Variants in ZNF559 observed in about 807,000 individuals in gnomAD.
ZNF559 encodes the protein zinc finger protein 559.
In ZNF559, 17 loss-of-function variants were observed where a neutral mutation model predicts 14.2. The observed-to-expected ratio is 1.20, with a 90% CI of 0.82 to 1.80. The LOEUF (loss-of-function observed/expected upper bound fraction) is 1.80. Among genes scored for constraint, ZNF559 ranks in the 40% most tolerant of loss-of-function variants. ZNF559 has a pLI of 0.00. For missense variants in ZNF559, 740 were observed against 629.7 expected (o/e 1.18, Z -1.88); for synonymous variants, 244 against 212.4 (o/e 1.15, Z -1.29).
At chr19:9,325,931 C>T (rs930613531) in intron 2 of ZNF559, among the ~76,000 whole-genome samples, 2 of 151,920 alleles carry the variant, frequency 1.3e-5, no homozygotes, top group Admixed American at 6.6e-5. Context: ...ATCTCAAATA[C>T]CTCCTGAAAG....
chr19:9,334,663 CTT>C (rs1384677285), intron 2 of ZNF559, among the ~76,000 whole-genome samples: 3 of 152,244 alleles, frequency 2.0e-5, no homozygotes, highest in Admixed American at 1.3e-4. Flanking sequence ...TAATTCTACT[CTT>C]TTGTGAATAT....
Position 9,324,225 on chromosome 19 carries a change from T to G in ZNF559, c.-209T>G. On this transcript the variant is annotated 5_prime_UTR_variant, in exon 1 of 7. Coordinates refer to ENST00000603380, the MANE Select transcript of ZNF559 (RefSeq NM_032497.3). ...TTAACAGCGCGTTCCCGTTGGCGTC[T>G]GAGGTAAGTTTTTGTTTCTGGGCGG... 1 of 1,536,054 alleles carries G rather than the reference T, an allele frequency of 6.5e-7. No homozygotes were observed.
chr19:9,330,647 T>C (rs1282497775), intron 2 of ZNF559, among the ~76,000 whole-genome samples: 1 of 152,226 alleles, frequency 6.6e-6, no homozygotes. Context: ...ATTTCTCTTT[T>C]GTTCTTTATC....
In ZNF559 at chr19:9,342,210, G is replaced by A. The variant is rs745909470; in HGVS notation, c.759G>A (p.Ser253=). 84 of 1,595,354 alleles carry A rather than the reference G, an allele frequency of 5.3e-5. No individual in the cohort carries two copies. Among genetic ancestry groups the A allele is most frequent in the Admixed American group, 7.2e-5 (4 of 55,266 alleles). Residue 253 remains serine, a synonymous_variant, in exon 7 of 7, where the codon TCG becomes TCA. Transcript: ENST00000603380. The part of the protein sequence containing the change: ...CKACGKPFTE[S]SYLTQHLRTH... ...CATGTGGGAAACCCTTCACTGAGTCGTCATATCTTACTCAACATTTAAGAA... is the reference window on the plus strand; with the variant it reads ...CATGTGGGAAACCCTTCACTGAGTCATCATATCTTACTCAACATTTAAGAA...
At chr19:9,331,746 C>T (rs916715179) in intron 2 of ZNF559, among the ~76,000 whole-genome samples, 89 of 152,244 alleles carry the variant, frequency 5.8e-4, no homozygotes, top group African/African-American at 2.1e-3. Context: ...GATTTCTCTT[C>T]AAGGTATTTT....
At chr19:9,340,864 C>T (rs901435099) in intron 5 of ZNF559, among the ~76,000 whole-genome samples, 1 of 151,874 alleles carries the variant, frequency 6.6e-6, no homozygotes. Context: ...AGCCACCACA[C>T]CCAGCCTAGA....
intron 4 of ZNF559, 135 bp from the exon 5 acceptor site, chr19:9,339,058 G>GA: frequency 8.3e-7 from 1 of 1,201,388 alleles, no homozygotes; most frequent in Non-Finnish European, 1.2e-6. Flanking sequence ...AGACAGGGGA[G>GA]AAGAAAGTGA....
chr19:9,338,471 AG>A (rs761447353), intron 3 of ZNF559, 22 bp from the exon 4 acceptor site: 26 of 1,588,126 alleles, frequency 1.6e-5, no homozygotes, highest in Non-Finnish European at 2.2e-5. Context: ...CTGGATTCTC[AG>A]ATTTTATTTC....
chr19:9,341,525 T>G, intron 6 of ZNF559, 170 bp from the exon 7 acceptor site: 1 of 1,246,122 alleles, frequency 8.0e-7, no homozygotes, highest in African/African-American at 1.5e-5. Context: ...TTTGTTCCAC[T>G]TGAAAACACT....
chr19:9,324,644 GAAA>G (rs56005842), intron 1 of ZNF559, 48 bp from the exon 2 acceptor site: 1,339 of 1,046,700 alleles, frequency 1.3e-3, no homozygotes, highest in Middle Eastern at 2.7e-3. Flanking sequence ...ATCTCTAATG[GAAA>G]AAAAAAAAAA....
chr19:9,342,339 C>T lies in ZNF559; in HGVS notation c.888C>T (p.His296=). The change falls in exon 7 of 7, where the codon CAC becomes CAT. Residue 296 remains histidine (H), a synonymous_variant. Transcript: ENST00000603380. ...TAAGACTTAGAACTAGAGGAAAACA[C>T]TATGTTTGTAATGAATGTGGCAAAG... ...KHIRLRTRGK[H]YVCNECGKEF... is the part of the protein sequence containing the mutation. 5.6e-6 allele frequency: 9 copies of T among 1,605,630 alleles called. No homozygotes were observed. Among genetic ancestry groups the T allele is most frequent in the Non-Finnish European group, 7.6e-6 (9 of 1,176,484 alleles).
chr19:9,326,101 C>T (rs1256542497), intron 2 of ZNF559, among the ~76,000 whole-genome samples: 1 of 141,268 alleles, frequency 7.1e-6, no homozygotes, highest in African/African-American at 2.6e-5. Context: ...AGACTATTCA[C>T]CTGATTTTTT....
chr19:9,339,466 A>AT, intron 5 of ZNF559, 147 bp downstream of exon 5: 1 of 911,854 alleles, frequency 1.1e-6, no homozygotes, highest in South Asian at 1.9e-5. Context: ...CTGCCTTGTG[A>AT]TTTTTCTGAT....
chr19:9,336,682 ATAGTTGAC>A (rs1260841075), intron 2 of ZNF559, among the ~76,000 whole-genome samples: 2 of 152,146 alleles, frequency 1.3e-5, no homozygotes, highest in Admixed American at 1.3e-4. Context: ...CATTTTTTGT[ATAGTTGAC>A]TGCTCTATCC....
chr19:9,335,036 T>C (rs551471696), intron 2 of ZNF559, among the ~76,000 whole-genome samples: 3 of 151,370 alleles, frequency 2.0e-5, no homozygotes, highest in Admixed American at 2.0e-4. Flanking sequence ...CTCGGGAGGC[T>C]GAGGCAAGAG....
At chr19:9,334,907 G>A (rs1050703024) in intron 2 of ZNF559, among the ~76,000 whole-genome samples, 1 of 151,934 alleles carries the variant, frequency 6.6e-6, no homozygotes, top group Non-Finnish European at 1.5e-5. Context: ...GGCTGAGGCC[G>A]GCGGATCACG....
chr19:9,326,745 ACTT>A, intron 2 of ZNF559, among the ~76,000 whole-genome samples: 1 of 152,310 alleles, frequency 6.6e-6, no homozygotes, highest in East Asian at 1.9e-4. Context: ...GACATTTCAC[ACTT>A]CTTTTGTACT....
In ZNF559 at chr19:9,343,763, A is replaced by C. The variant is rs551856130; in HGVS notation, c.*695A>C. The C allele has an allele frequency of 3.8e-4, 375 of 985,736 alleles. 10 individuals are homozygous for C. The South Asian group carries it at 0.015, about 40-fold the overall frequency. The allele number at this position is 985,736 out of a possible 1,614,324, so 61.1% of individuals were successfully genotyped here. The stretch of plus-strand genomic sequence containing the variant: ...ACATGCAAAAAGTCACACTAGAGGA[A>C]TGCCATATCAGAATGCTTTTGGTAA... On this transcript the variant is annotated 3_prime_UTR_variant, in exon 7 of 7. Transcript: ENST00000603380.
At chr19:9,334,825 T>G (rs2067138366) in intron 2 of ZNF559, among the ~76,000 whole-genome samples, 1 of 152,106 alleles carries the variant, frequency 6.6e-6, no homozygotes, top group African/African-American at 2.4e-5. Context: ...GAGATAGGTT[T>G]TTTAGAAGTA....
Sources: gnomAD v4.1 joint callset for allele counts (sites outside exome capture counted in the v4.1 genomes callset) on GRCh38, gnomAD v4.1.1 for gene constraint, MANE v1.5 for transcripts, NCBI Gene and HGNC (gene_info 2026-07-23, HGNC 2026-07-21) for gene names.